The following VSTM2L variants were observed in gnomAD, a reference collection of about 807,000 sequenced individuals.
The protein encoded by VSTM2L is V-set and transmembrane domain-containing protein 2-like protein.
Under a neutral mutation model 19.9 loss-of-function variants are expected in VSTM2L, and 9 were observed. That is an observed-to-expected ratio of 0.45 (90% CI 0.27 to 0.79). The LOEUF (loss-of-function observed/expected upper bound fraction) is 0.79, where lower values mean the gene tolerates loss of function less well. Among genes scored for constraint, VSTM2L ranks in the 30% least tolerant of loss-of-function variants. VSTM2L has a pLI of 0.15. For missense variants in VSTM2L, 286 were observed against 295.5 expected, an observed-to-expected ratio of 0.97 and a Z score of 0.24; for synonymous variants, 127 against 133.8, an observed-to-expected ratio of 0.95 and a Z score of 0.35.
chr20:37,934,744 C>T (rs2072929938), intron 3 of VSTM2L, among the ~76,000 whole-genome samples: 1 of 152,048 alleles, frequency 6.6e-6, no homozygotes, highest in Non-Finnish European at 1.5e-5. Flanking sequence ...CCATGTCGGG[C>T]ATCAGAGGTG....
intron 1 of VSTM2L, among the ~76,000 whole-genome samples, chr20:37,912,126 G>A (rs2072783411): frequency 6.6e-6 from 1 of 152,234 alleles, no homozygotes; most frequent in South Asian, 2.1e-4. Flanking sequence ...ACACTAAGGG[G>A]CGTGGTGCGA....
At chr20:37,925,411 TG>T (rs1315441770) in intron 1 of VSTM2L, among the ~76,000 whole-genome samples, 1 of 152,184 alleles carries the variant, frequency 6.6e-6, no homozygotes, top group Admixed American at 6.5e-5. Flanking sequence ...AGAGAGTCTC[TG>T]GAAGTCACAC....
intron 3 of VSTM2L, among the ~76,000 whole-genome samples, chr20:37,938,140 A>G (rs1346267138): frequency 6.6e-6 from 1 of 151,828 alleles, no homozygotes; most frequent in Non-Finnish European, 1.5e-5. Context: ...GAAGCCCTGG[A>G]CCTTGCTTTT....
intron 1 of VSTM2L, among the ~76,000 whole-genome samples, chr20:37,909,149 G>A (rs1385893153): frequency 6.6e-6 from 1 of 152,200 alleles, no homozygotes; most frequent in Non-Finnish European, 1.5e-5. Flanking sequence ...GGGGTGGAAG[G>A]AGTGCAATGG....
chr20:37,940,839 G>A (rs2072968037), intron 3 of VSTM2L, among the ~76,000 whole-genome samples: 1 of 152,136 alleles, frequency 6.6e-6, no homozygotes, highest in African/African-American at 2.4e-5. Flanking sequence ...TGAACGAAGG[G>A]GAAACTGCTA....
In VSTM2L at chr20:37,943,917, C is replaced by T. The variant is rs201478992; in HGVS notation, c.343-64C>T. 33 of 909,516 alleles carry T rather than the reference C, an allele frequency of 3.6e-5. 3 individuals are homozygous for T. In the East Asian group the frequency reaches 9.3e-4, roughly 26 times the overall value. The allele number at this position is 909,516 out of a possible 1,614,324, so 56.3% of individuals were successfully genotyped here. A position where few individuals can be genotyped will look rare whatever the true frequency, so the allele number is the denominator to read the frequency against. On this transcript the variant is annotated intron_variant, in intron 3 of 3. Coordinates refer to ENST00000373461, the MANE Select transcript of VSTM2L (RefSeq NM_080607.3). Reference sequence around the variant, plus strand: ...AGCATGCGATCTTGGGACCCCCCCCCCCGACTCTTCTTCTCCCCCACTGTC... The same window carrying T: ...AGCATGCGATCTTGGGACCCCCCCCTCCGACTCTTCTTCTCCCCCACTGTC...
intron 1 of VSTM2L, among the ~76,000 whole-genome samples, chr20:37,909,785 A>T (rs1471989568): frequency 2.0e-5 from 3 of 152,156 alleles, no homozygotes; most frequent in Admixed American, 6.5e-5. Flanking sequence ...CCTGACCCTG[A>T]TGAGGCACTT....
chr20:37,939,265 G>A (rs1381257249), intron 3 of VSTM2L, among the ~76,000 whole-genome samples: 1 of 151,874 alleles, frequency 6.6e-6, no homozygotes, highest in South Asian at 2.1e-4. Flanking sequence ...AATTGGCCAG[G>A]AGTGGTGGTG....
At position 37,903,974 on chromosome 20, in the gene VSTM2L, CAT is replaced by C. The variant is rs151330144; in HGVS notation, c.121+505_121+506del. ...GCGCGCACACACACACAGGCACACA[CAT>C]ACACACACATGAACACAATTTGCTC... On this transcript the variant is annotated intron_variant, in intron 1 of 3. Transcript: ENST00000373461. Among the ~76,000 whole-genome samples, 789 of 152,340 alleles carry C rather than the reference CAT, an allele frequency of 5.2e-3. 9 individuals are homozygous for C. Among genetic ancestry groups the C allele is most frequent in the African/African-American group, 0.018 (739 of 41,590 alleles).
At chr20:37,912,880 C>T (rs1332843930) in intron 1 of VSTM2L, among the ~76,000 whole-genome samples, 2 of 152,136 alleles carry the variant, frequency 1.3e-5, no homozygotes, top group Non-Finnish European at 2.9e-5. Flanking sequence ...CTCTGGGTCT[C>T]TCTGATCTTT....
intron 1 of VSTM2L, among the ~76,000 whole-genome samples, chr20:37,904,862 C>G (rs1019168565): frequency 1.3e-5 from 2 of 152,190 alleles, no homozygotes; most frequent in African/African-American, 4.8e-5. Context: ...CTCCCCGCCC[C>G]CTTCTGCCTC....
chr20:37,917,972 C>A (rs140467335), intron 1 of VSTM2L, among the ~76,000 whole-genome samples: 1 of 152,294 alleles, frequency 6.6e-6, no homozygotes, highest in Non-Finnish European at 1.5e-5. Context: ...GTTCTTGTCC[C>A]ATGTTTCTGG....
At chr20:37,924,666 A>G (rs749637975) in intron 1 of VSTM2L, among the ~76,000 whole-genome samples, 1 of 146,118 alleles carries the variant, frequency 6.8e-6, no homozygotes, top group African/African-American at 2.6e-5. Context: ...TTATCAGTAC[A>G]TCATCATAAT....
intron 1 of VSTM2L, among the ~76,000 whole-genome samples, chr20:37,915,234 A>T (rs977233490): frequency 2.6e-5 from 4 of 152,142 alleles, no homozygotes; most frequent in Non-Finnish European, 4.4e-5. Flanking sequence ...TCCTCTCTCC[A>T]TGGCCCTCAG....
Position 37,944,269 on chromosome 20 carries a change from C to A in VSTM2L, c.*16C>A. On this transcript the variant is annotated 3_prime_UTR_variant, in exon 4 of 4. Transcript: ENST00000373461. The stretch of plus-strand genomic sequence containing the variant: ...CAGCCTCTAGACTGATGCCCCTGCC[C>A]CCGCCCATCCGCCCCCACGCTGTAC... 1 of 1,472,408 alleles carries A rather than the reference C, an allele frequency of 6.8e-7. No individual in the cohort carries two copies. The highest frequency in any genetic ancestry group is 2.5e-5 in the East Asian group (1 of 39,910). The allele number at this position is 1,472,408 out of a possible 1,614,324, so 91.2% of individuals were successfully genotyped here. A position where few individuals can be genotyped will look rare whatever the true frequency, so the allele number is the denominator to read the frequency against.
intron 1 of VSTM2L, among the ~76,000 whole-genome samples, chr20:37,911,014 T>C (rs2072776507): frequency 1.3e-5 from 2 of 151,596 alleles, no homozygotes; most frequent in South Asian, 4.2e-4. Context: ...GGCTCACACC[T>C]GTAATCCCAG....
At chr20:37,914,143 G>A (rs1475322692) in intron 1 of VSTM2L, among the ~76,000 whole-genome samples, 1 of 151,744 alleles carries the variant, frequency 6.6e-6, no homozygotes, top group Non-Finnish European at 1.5e-5. Context: ...ACGAATGTGT[G>A]TGTGCGTGTG....
chr20:37,931,897 T>A, intron 2 of VSTM2L, 93 bp downstream of exon 2: 1 of 1,374,396 alleles, frequency 7.3e-7, no homozygotes, highest in South Asian at 1.4e-5. Flanking sequence ...CTCTGAGGGA[T>A]ATGGGCTCCA....
intron 3 of VSTM2L, among the ~76,000 whole-genome samples, chr20:37,942,570 C>A (rs2072978511): frequency 6.6e-6 from 1 of 152,202 alleles, no homozygotes; most frequent in Non-Finnish European, 1.5e-5. Flanking sequence ...AAAGAAGCCA[C>A]CCATACAAGA....
Sources: gnomAD v4.1 joint callset for allele counts (sites outside exome capture counted in the v4.1 genomes callset) on GRCh38, gnomAD v4.1.1 for gene constraint, MANE v1.5 for transcripts, NCBI Gene and HGNC (gene_info 2026-07-23, HGNC 2026-07-21) for gene names.